Variants in GUCY2C observed in about 807,000 individuals in gnomAD.
The protein encoded by GUCY2C is guanylyl cyclase C.
In GUCY2C, 118 loss-of-function variants were observed where a neutral mutation model predicts 131.1. That is an observed-to-expected ratio of 0.90 (90% CI 0.78 to 1.05). The LOEUF (loss-of-function observed/expected upper bound fraction) is 1.05, where lower values mean the gene tolerates loss of function less well. Among genes scored for constraint, GUCY2C ranks in the 50% least tolerant of loss-of-function variants. GUCY2C has a pLI of 0.00. For missense variants in GUCY2C, 1,161 were observed against 1,304.4 expected (o/e 0.89, Z 1.69); for synonymous variants, 452 against 457.8 (o/e 0.99, Z 0.16).
chr12:14,624,176 C>A (rs909637160), intron 21 of GUCY2C, among the ~76,000 whole-genome samples: 29 of 152,172 alleles, frequency 1.9e-4, no homozygotes, highest in African/African-American at 7.0e-4. Flanking sequence ...CACAGTGGCT[C>A]ACACCTGTAA....
chr12:14,624,811 A>G (rs1447303549), intron 21 of GUCY2C, among the ~76,000 whole-genome samples: 1 of 152,240 alleles, frequency 6.6e-6, no homozygotes, highest in Non-Finnish European at 1.5e-5. Flanking sequence ...CTAGGAAAAA[A>G]GCTGAAATGG....
chr12:14,631,230 T>C (rs1173916391), intron 19 of GUCY2C, among the ~76,000 whole-genome samples: 1 of 152,016 alleles, frequency 6.6e-6, no homozygotes, highest in Non-Finnish European at 1.5e-5. Flanking sequence ...TTTTTTAAAA[T>C]TTTTTTTATT....
In GUCY2C at chr12:14,622,163, C is replaced by T. The variant is rs2136983085; in HGVS notation, c.2443G>A (p.Val815Met). The change falls in exon 22 of 27, where the codon GTG becomes ATG. Residue 815 changes from valine (V) to methionine (M), a missense_variant. Val to Met is a conservative substitution (Grantham distance 21). Coordinates refer to ENST00000261170, the MANE Select transcript of GUCY2C (RefSeq NM_004963.4). ...ACTTCCTCATATAGTTCCGGCTCCA[C>T]AAAGCCTTTCTCCTTCAGAGACTTT... is the stretch of plus-strand genomic sequence containing the variant. ...VVKSLKEKGF[V>M]EPELYEEVTI... The T allele has an allele frequency of 4.4e-6, 7 of 1,581,548 alleles. No individual in the cohort carries two copies. Among genetic ancestry groups the T allele is most frequent in the Non-Finnish European group, 6.0e-6 (7 of 1,167,370 alleles).
Position 14,622,193 on chromosome 12 carries a change from C to A in GUCY2C, c.2413G>T (p.Val805Leu). The change falls in exon 22 of 27, where the codon GTG (valine) becomes TTG (leucine). Residue 805 changes from valine to leucine, a missense_variant. Coordinates refer to ENST00000261170, the MANE Select transcript of GUCY2C (RefSeq NM_004963.4). ...CCTTTCTCCTTCAGAGACTTTACCACTAGCCTAGATGAACGAAGGGAAAAA... is the reference window on the plus strand; with the variant it reads ...CCTTTCTCCTTCAGAGACTTTACCAATAGCCTAGATGAACGAAGGGAAAAA... ...RLNFMLLPRL[V>L]VKSLKEKGFV... 6.6e-7 allele frequency: 1 copy of A among 1,520,698 alleles called. No individual in the cohort carries two copies. Among genetic ancestry groups the A allele is most frequent in the Non-Finnish European group, 8.8e-7 (1 of 1,140,194 alleles). 94.2% of individuals were successfully genotyped at this position (1,520,698 alleles called of 1,614,324 possible). A position where few individuals can be genotyped will look rare whatever the true frequency, so the allele number is the denominator to read the frequency against.
chr12:14,639,936 C>G lies in GUCY2C; in HGVS notation c.2083G>C (p.Val695Leu). 1.2e-6 allele frequency: 2 copies of G among 1,601,958 alleles called. No individual in the cohort carries two copies. The highest frequency in any genetic ancestry group is 1.7e-6 in the Non-Finnish European group (2 of 1,168,982). The part of the protein sequence containing the change: ...CRDRNEKIFR[V>L]ENSNGMKPFR... ...GGTTTCATTCCATTGGAATTTTCCA[C>G]TCTGAAAATCTTCTCTGGTTGGGTG... The change falls in exon 19 of 27, where the codon GTG becomes CTG. Residue 695 changes from valine to leucine, a missense_variant. Transcript: ENST00000261170.
chr12:14,681,066 G>A (rs375213424), intron 5 of GUCY2C, among the ~76,000 whole-genome samples: 4 of 152,006 alleles, frequency 2.6e-5, no homozygotes, highest in African/African-American at 9.7e-5. Flanking sequence ...CTGAGGGTGG[G>A]TCATAATATC....
chr12:14,634,096 A>G (rs1011644246), intron 19 of GUCY2C, among the ~76,000 whole-genome samples: 7 of 152,220 alleles, frequency 4.6e-5, no homozygotes, highest in African/African-American at 1.7e-4. Flanking sequence ...TTATAGTCAA[A>G]TTGTCAAAAG....
intron 9 of GUCY2C, among the ~76,000 whole-genome samples, chr12:14,672,002 G>A (rs916449867): frequency 2.6e-5 from 4 of 151,956 alleles, no homozygotes; most frequent in African/African-American, 9.7e-5. Context: ...ATTTTCCATT[G>A]CAGATATCTT....
At position 14,683,041 on chromosome 12, in the gene GUCY2C, C is replaced by T; in HGVS notation, c.611+1G>A. ...AGTGAAATATTAATGATCCTGCTTA[C>T]CAGAAACAGTCCTCAGTTTCTGTAC... On this transcript the variant is annotated splice_donor_variant, in intron 4 of 26. Coordinates refer to ENST00000261170, the MANE Select transcript of GUCY2C (RefSeq NM_004963.4). LOFTEE classifies it high-confidence loss of function. The T allele has an allele frequency of 6.3e-7, 1 of 1,593,474 alleles. No individual in the cohort carries two copies. The highest frequency in any genetic ancestry group is 8.6e-7 in the Non-Finnish European group (1 of 1,161,446).
chr12:14,639,262 C>T (rs544025873), intron 19 of GUCY2C, among the ~76,000 whole-genome samples: 10 of 138,028 alleles, frequency 7.2e-5, no homozygotes, highest in African/African-American at 2.7e-4. Flanking sequence ...CCTGCCACTG[C>T]ACTCTAGTGA....
At chr12:14,652,336 G>A (rs991599494) in intron 13 of GUCY2C, among the ~76,000 whole-genome samples, 2 of 151,914 alleles carry the variant, frequency 1.3e-5, no homozygotes, top group South Asian at 2.1e-4. Flanking sequence ...CACCATGCCC[G>A]GCTAATTTTT....
At position 14,672,934 on chromosome 12, in the gene GUCY2C, T is replaced by C; in HGVS notation, c.1109A>G (p.Asp370Gly). ...FEGYDGPVTL[D>G]DWGDVDSTMV... ...GGTACTGTCAACATCCCCCCAGTCA[T>C]CCAAGGTCACTGGACCGTCATACCC... Residue 370 changes from aspartate to glycine, a missense_variant, in exon 9 of 27, where the codon GAT becomes GGT. Physicochemically the swap from Asp to Gly is moderately conservative, Grantham distance 94. Coordinates refer to ENST00000261170, the MANE Select transcript of GUCY2C (RefSeq NM_004963.4). The C allele has an allele frequency of 1.9e-6, 3 of 1,607,058 alleles. No homozygotes were observed. Among genetic ancestry groups the C allele is most frequent in the Non-Finnish European group, 2.6e-6 (3 of 1,173,588 alleles).
rs145097713 is a variant in GUCY2C, at chr12:14,644,866, G to A, written c.1797+363C>T. 6.9e-3 allele frequency among the ~76,000 whole-genome samples: 1,029 copies of A among 150,174 alleles called. 17 individuals carry two copies. Among genetic ancestry groups the A allele is most frequent in the African/African-American group, 0.024 (973 of 40,748 alleles). Reference sequence around the variant, plus strand: ...AAGCAATTCTCCTGCCTCAGCCTCCGAAAGTGCTGGGATTACAGGCTTGAG... The same window carrying A: ...AAGCAATTCTCCTGCCTCAGCCTCCAAAAGTGCTGGGATTACAGGCTTGAG... On this transcript the variant is annotated intron_variant, in intron 16 of 26. Transcript: ENST00000261170.
chr12:14,686,140 G>A, intron 3 of GUCY2C, 21 bp downstream of exon 3: 1 of 1,463,092 alleles, frequency 6.8e-7, no homozygotes, highest in Non-Finnish European at 9.6e-7. Flanking sequence ...CCTGACTTCA[G>A]TTCACAGTAG....
intron 16 of GUCY2C, among the ~76,000 whole-genome samples, chr12:14,644,718 G>A (rs1298909073): frequency 1.5e-5 from 2 of 137,422 alleles, no homozygotes; most frequent in East Asian, 4.2e-4. Context: ...ATTTTCTCTT[G>A]TAAAGTTGAG....
rs746598518 is a variant in GUCY2C, at chr12:14,679,669, A to G, written c.818T>C (p.Val273Ala). The change falls in exon 6 of 27, where the codon GTG becomes GCG. Residue 273 changes from valine (V) to alanine (A), a missense_variant. By Grantham distance (64) the Val-to-Ala change is moderately conservative. Coordinates refer to ENST00000261170, the MANE Select transcript of GUCY2C (RefSeq NM_004963.4). ...AVAEDIVIIL[V>A]DLFNDQYFED... is the part of the protein sequence containing the mutation. ...ATGTTATACCTACTTGAAAAGATCCACTAGAATAATGACAATGTCTTCAGC... is the reference window on the plus strand; with the variant it reads ...ATGTTATACCTACTTGAAAAGATCCGCTAGAATAATGACAATGTCTTCAGC... The G allele has an allele frequency of 6.5e-7, 1 of 1,541,078 alleles. No homozygotes were observed. The highest frequency in any genetic ancestry group is 1.1e-5 in the South Asian group (1 of 89,558).
chr12:14,658,726 T>C (rs1336959317), intron 11 of GUCY2C, among the ~76,000 whole-genome samples: 1 of 152,070 alleles, frequency 6.6e-6, no homozygotes, highest in African/African-American at 2.4e-5. Flanking sequence ...TTATTCTAAG[T>C]TTTGAAGCTT....
intron 10 of GUCY2C, among the ~76,000 whole-genome samples, chr12:14,665,135 G>A (rs568461207): frequency 4.6e-4 from 69 of 150,664 alleles, no homozygotes; most frequent in African/African-American, 1.5e-3. Flanking sequence ...AGAATCTCTT[G>A]AACCTGGGAG....
At chr12:14,645,188 A>G in intron 16 of GUCY2C, 41 bp downstream of exon 16, 1 of 1,045,182 alleles carries the variant, frequency 9.6e-7, no homozygotes, top group Non-Finnish European at 1.5e-6. Context: ...CTGTTTTCTT[A>G]TATTTAATTT....
Sources: gnomAD v4.1 joint callset for allele counts (sites outside exome capture counted in the v4.1 genomes callset) on GRCh38, gnomAD v4.1.1 for gene constraint, MANE v1.5 for transcripts, NCBI Gene and HGNC (gene_info 2026-07-23, HGNC 2026-07-21) for gene names.